The following MINDY4B variants were observed in gnomAD, a reference collection of about 807,000 sequenced individuals.
MINDY4B encodes the protein inactive ubiquitin carboxyl-terminal hydrolase MINDY-4B.
In MINDY4B, 25 loss-of-function variants were observed where a neutral mutation model predicts 16.7. The ratio of observed to expected loss-of-function variants is 1.49; its 90% CI spans 1.09 to 2.09. The LOEUF is 2.09. Among genes scored for constraint, MINDY4B ranks in the 30% most tolerant of loss-of-function variants. The pLI, the probability that MINDY4B is intolerant of heterozygous loss-of-function variation, is 0.00. For missense variants in MINDY4B, 327 were observed against 168.4 expected (o/e 1.94, Z -5.21); for synonymous variants, 132 against 61.9 (o/e 2.13, Z -5.32).
In MINDY4B at chr3:150,888,937, G is replaced by A. The variant is rs137946520; in HGVS notation, c.753+1383C>T. Reference sequence around the variant, plus strand: ...GAGTTGAGATGGAAGACAGGGAGGGGAGGGGTTTGCCTGTTTTTGCTGAAA... The same window carrying A: ...GAGTTGAGATGGAAGACAGGGAGGGAAGGGGTTTGCCTGTTTTTGCTGAAA... On this transcript the variant is annotated intron_variant, in intron 7 of 11. Coordinates refer to ENST00000465419, the MANE Select transcript of MINDY4B (RefSeq NM_001351281.2). Among the ~76,000 whole-genome samples the A allele has an allele frequency of 4.4e-3, 668 of 152,270 alleles. 7 individuals are homozygous for A. The highest frequency in any genetic ancestry group is 0.016 in the African/African-American group (644 of 41,546).
At chr3:150,885,632 G>A (rs1438259341) in intron 7 of MINDY4B, among the ~76,000 whole-genome samples, 194 bp from the exon 8 acceptor site, 3 of 152,142 alleles carry the variant, frequency 2.0e-5, no homozygotes, top group African/African-American at 7.2e-5. Flanking sequence ...GCCTGTCAAT[G>A]GTGCTGTCAT....
chr3:150,899,139 AG>A (rs1371933911), intron 3 of MINDY4B, among the ~76,000 whole-genome samples: 1 of 152,210 alleles, frequency 6.6e-6, no homozygotes, highest in Non-Finnish European at 1.5e-5. Flanking sequence ...GGCTCAAAAT[AG>A]GTATCTGTTG....
rs1711544280 is a variant in MINDY4B at position 150,882,894 on chromosome 3, C to T, written c.1059+3G>A. 2 of 700,618 alleles carry T rather than the reference C, an allele frequency of 2.9e-6. No individual in the cohort carries two copies. Among genetic ancestry groups the T allele is most frequent in the Admixed American group, 2.0e-5 (1 of 49,748 alleles). The allele number at this position is 700,618 out of a possible 1,614,324, so 43.4% of individuals were successfully genotyped here. A position where few individuals can be genotyped will look rare whatever the true frequency, so the allele number is the denominator to read the frequency against. On this transcript the variant is annotated splice_donor_region_variant and intron_variant, in intron 10 of 11. Transcript: ENST00000465419. ...GTGTGGTTGAGGACTGGAACACACTCACCTGTGAGAGTCTGTCATCTTCCG... is the reference window on the plus strand; with the variant it reads ...GTGTGGTTGAGGACTGGAACACACTTACCTGTGAGAGTCTGTCATCTTCCG...
intron 3 of MINDY4B, among the ~76,000 whole-genome samples, chr3:150,896,745 T>C (rs1052004500): frequency 6.6e-6 from 1 of 152,208 alleles, no homozygotes; most frequent in African/African-American, 2.4e-5. Flanking sequence ...TGTGAGTGTC[T>C]CAGCCATGGA....
chr3:150,874,015 T>G (rs1170085581), intron 10 of MINDY4B, among the ~76,000 whole-genome samples: 1 of 145,652 alleles, frequency 6.9e-6, no homozygotes. Flanking sequence ...ATTTTTTTTT[T>G]TTTTTTTTTT....
chr3:150,880,685 C>T (rs1051568084), intron 10 of MINDY4B, among the ~76,000 whole-genome samples: 1 of 152,126 alleles, frequency 6.6e-6, no homozygotes, highest in Admixed American at 6.5e-5. Context: ...AGCGAGGATC[C>T]AGTGAAATAA....
intron 10 of MINDY4B, among the ~76,000 whole-genome samples, chr3:150,876,062 AT>A (rs1468884558): frequency 1.3e-5 from 2 of 152,208 alleles, no homozygotes; most frequent in Non-Finnish European, 2.9e-5. Flanking sequence ...TCAATGCTGA[AT>A]TTGTGCATGT....
rs1052273427 is a variant in MINDY4B at position 150,890,968 on chromosome 3, C to T, written c.657G>A (p.Pro219=). Residue 219 remains proline, a synonymous_variant, in exon 6 of 12, where the codon CCG becomes CCA. Coordinates refer to ENST00000465419, the MANE Select transcript of MINDY4B (RefSeq NM_001351281.2). Reference sequence around the variant, plus strand: ...CAGTGAAATTGTCCACAGAGTAGTCCGGAGTCGACGCAACGTAAATGTCCT... The same window carrying T: ...CAGTGAAATTGTCCACAGAGTAGTCTGGAGTCGACGCAACGTAAATGTCCT... ...VTEDIYVAST[P]DYSVDNFTER... is the part of the protein sequence containing the mutation. 3.3e-5 allele frequency: 23 copies of T among 702,674 alleles called. No individual in the cohort carries two copies. Among genetic ancestry groups the T allele is most frequent in the Non-Finnish European group, 5.7e-5 (22 of 384,838 alleles). The allele number at this position is 702,674 out of a possible 1,614,324, so 43.5% of individuals were successfully genotyped here.
intron 4 of MINDY4B, among the ~76,000 whole-genome samples, chr3:150,893,703 GGGGGT>G (rs750088087): frequency 0.064 from 6,031 of 93,628 alleles, 364 homozygotes; most frequent in South Asian, 0.12. Context: ...TTTTGGGGGG[GGGGGT>G]GGGGTGCAGT....
chr3:150,890,794 C>T, intron 6 of MINDY4B, 144 bp downstream of exon 6: 1 of 591,438 alleles, frequency 1.7e-6, no homozygotes, highest in Non-Finnish European at 3.1e-6. Flanking sequence ...TCACTTACAG[C>T]CCTTGGTACC....
intron 11 of MINDY4B, among the ~76,000 whole-genome samples, chr3:150,872,251 A>G (rs1716988720): frequency 6.6e-6 from 1 of 152,240 alleles, no homozygotes; most frequent in Non-Finnish European, 1.5e-5. Context: ...TAAGGAACAT[A>G]TTGTCAATGT....
chr3:150,879,264 T>C (rs2107897426), intron 10 of MINDY4B, among the ~76,000 whole-genome samples: 1 of 151,762 alleles, frequency 6.6e-6, no homozygotes, highest in African/African-American at 2.4e-5. Context: ...AAAGCAGAGG[T>C]TCTCAACTAG....
intron 3 of MINDY4B, among the ~76,000 whole-genome samples, chr3:150,896,079 T>TA (rs1559968434): frequency 1.3e-5 from 2 of 152,166 alleles, no homozygotes. Flanking sequence ...GATTCTTTTT[T>TA]CTTTGTCTTT....
At chr3:150,885,073 A>G (rs1459097998) in intron 8 of MINDY4B, among the ~76,000 whole-genome samples, 1 of 152,238 alleles carries the variant, frequency 6.6e-6, no homozygotes, top group Non-Finnish European at 1.5e-5. Flanking sequence ...AAATGTATTT[A>G]TTTATGAAAC....
In MINDY4B at chr3:150,905,062, C is replaced by G. The variant is rs560192157; in HGVS notation, c.141G>C (p.Gln47His). The change falls in exon 2 of 12, where the codon CAG (glutamine) becomes CAC (histidine). Residue 47 changes from glutamine (Q) to histidine (H), a missense_variant and splice_region_variant. By Grantham distance (24) the Gln-to-His change is conservative. Coordinates refer to ENST00000465419, the MANE Select transcript of MINDY4B (RefSeq NM_001351281.2). ...CACTGGCTTTGGGAAAAGTAATTAC[C>G]TGAGGAGTTGAATTATTGGTTCCCA... ...HRLGTNNSTPQNHEGNHTSAD... is the reference protein window; with the variant it reads ...HRLGTNNSTPHNHEGNHTSAD... 1 of 398,342 alleles carries G rather than the reference C, an allele frequency of 2.5e-6. No individual in the cohort carries two copies. The highest frequency in any genetic ancestry group is 4.4e-5 in the Admixed American group (1 of 22,704). The allele number at this position is 398,342 out of a possible 1,614,324, so 24.7% of individuals were successfully genotyped here. A position where few individuals can be genotyped will look rare whatever the true frequency, so the allele number is the denominator to read the frequency against.
At chr3:150,898,187 G>C (rs771643637) in intron 3 of MINDY4B, among the ~76,000 whole-genome samples, 3 of 152,226 alleles carry the variant, frequency 2.0e-5, no homozygotes, top group Admixed American at 6.5e-5. Context: ...AACACAGCCT[G>C]TCTATGCAGG....
intron 7 of MINDY4B, 146 bp from the exon 8 acceptor site, chr3:150,885,584 C>A: frequency 3.2e-6 from 2 of 623,272 alleles, no homozygotes; most frequent in East Asian, 5.5e-5. Context: ...CTCCATAAGT[C>A]TTCCTACTCT....
Position 150,905,382 on chromosome 3 carries a change from TCTC to T in MINDY4B, c.55_57del (p.Glu19del), listed in dbSNP as rs1334277932. On this transcript the variant is annotated inframe_deletion, in exon 1 of 12. Coordinates refer to ENST00000465419, the MANE Select transcript of MINDY4B (RefSeq NM_001351281.2). ...TCAAGGAATGAAATTTTCCTTGAGA[TCTC>T]CTCTAAATCCAGCTGTTCGGAGCTT... is the stretch of plus-strand genomic sequence containing the variant. The T allele has an allele frequency of 7.5e-6, 3 of 398,390 alleles. No homozygotes were observed. The highest frequency in any genetic ancestry group is 1.3e-5 in the Non-Finnish European group (3 of 226,012). 24.7% of individuals were successfully genotyped at this position (398,390 alleles called of 1,614,324 possible). A position where few individuals can be genotyped will look rare whatever the true frequency, so the allele number is the denominator to read the frequency against.
At chr3:150,902,377 G>A (rs1459499180) in intron 3 of MINDY4B, among the ~76,000 whole-genome samples, 1 of 152,194 alleles carries the variant, frequency 6.6e-6, no homozygotes, top group African/African-American at 2.4e-5. Context: ...TTAGAAGATA[G>A]GGTGATGATG....
Sources: allele counts gnomAD v4.1 joint callset (sites outside exome capture counted in the v4.1 genomes callset), GRCh38; gene constraint gnomAD v4.1.1; transcripts MANE v1.5; gene names NCBI Gene and HGNC (gene_info 2026-07-23, HGNC 2026-07-21).